Variants in DACH2 observed in about 807,000 individuals in gnomAD.
The protein encoded by DACH2 is dachshund homolog 2.
In DACH2, 17 loss-of-function variants were observed where a neutral mutation model predicts 35.8. The ratio of observed to expected loss-of-function variants is 0.48; its 90% CI spans 0.33 to 0.71. DACH2 has a LOEUF of 0.71. DACH2 is among the 30% of genes least tolerant of loss of function. DACH2 has a pLI of 0.02. For synonymous variants in DACH2, 195 were observed against 177.3 expected (o/e 1.10, Z -0.79); for missense variants, 469 against 472.7 (o/e 0.99, Z 0.07).
chrX:86,793,909 C>A (rs908578071), intron 7 of DACH2, among the ~76,000 whole-genome samples: 1 of 112,150 alleles, frequency 8.9e-6, no homozygotes, highest in Non-Finnish European at 1.9e-5. Flanking sequence ...CATTGTCATA[C>A]TAGCACACAA....
At chrX:86,763,510 G>A (rs972013389) in intron 7 of DACH2, among the ~76,000 whole-genome samples, 4 of 112,110 alleles carry the variant, frequency 3.6e-5, no homozygotes, top group African/African-American at 1.3e-4. Flanking sequence ...CTGGAGTGCA[G>A]TGGTGCGATC....
intron 3 of DACH2, among the ~76,000 whole-genome samples, chrX:86,635,905 C>T (rs750180725): frequency 1.5e-4 from 17 of 111,438 alleles, no homozygotes; most frequent in Non-Finnish European, 3.2e-4. Context: ...GGAAAAACAT[C>T]CCATACTCAT....
chrX:86,270,132 GAT>G (rs1309688906), intron 1 of DACH2, among the ~76,000 whole-genome samples: 1 of 105,953 alleles, frequency 9.4e-6, no homozygotes, highest in Non-Finnish European at 1.9e-5. Context: ...TGGGGGTGGG[GAT>G]ACATGCAGAT....
intron 6 of DACH2, among the ~76,000 whole-genome samples, chrX:86,738,154 A>G (rs1334538939): frequency 9.0e-6 from 1 of 111,627 alleles, no homozygotes; most frequent in African/African-American, 3.3e-5. Flanking sequence ...ATGATTCTCA[A>G]TTGCATCTGC....
intron 1 of DACH2, among the ~76,000 whole-genome samples, chrX:86,287,151 T>C (rs1370498932): frequency 1.1e-5 from 1 of 94,548 alleles, no homozygotes; most frequent in Non-Finnish European, 2.1e-5. Context: ...TTTTGCCAGA[T>C]ATGCTATTCT....
chrX:86,469,042 C>T (rs2037721531), intron 2 of DACH2, among the ~76,000 whole-genome samples: 1 of 111,301 alleles, frequency 9.0e-6, no homozygotes. Context: ...GAAATCTTGT[C>T]ATTTTTAGTA....
chrX:86,414,739 C>T lies in DACH2; in HGVS notation c.527+37877C>T, dbSNP rs916050590. Among the ~76,000 whole-genome samples, 11 of 111,610 alleles carry T rather than the reference C, an allele frequency of 9.9e-5. No homozygotes were observed. In the Admixed American group the frequency reaches 1.1e-3, roughly 11 times the overall value. On this transcript the variant is annotated intron_variant, in intron 2 of 11. Coordinates refer to ENST00000373125, the MANE Select transcript of DACH2 (RefSeq NM_053281.3). ...CATTTCCAGCTCACTCACAGTGGGA[C>T]ATCTTTTAATCCATATTTCAGCTAA...
chrX:86,717,723 G>A (rs181965667), intron 6 of DACH2, among the ~76,000 whole-genome samples: 3,608 of 96,718 alleles, frequency 0.037, 78 homozygotes, highest in Non-Finnish European at 0.054. Flanking sequence ...GAGCAGTGGC[G>A]GTGACATGTG....
intron 1 of DACH2, among the ~76,000 whole-genome samples, chrX:86,231,062 G>A (rs1056300834): frequency 7.2e-5 from 8 of 111,823 alleles, no homozygotes; most frequent in African/African-American, 2.6e-4. Context: ...CCAGTTCTTT[G>A]AGGCATGACC....
At chrX:86,797,308 GTATA>G (rs1050671426) in intron 7 of DACH2, among the ~76,000 whole-genome samples, 1 of 109,945 alleles carries the variant, frequency 9.1e-6, no homozygotes, top group Non-Finnish European at 1.9e-5. Flanking sequence ...ACATACATAA[GTATA>G]TATATAATAT....
intron 1 of DACH2, among the ~76,000 whole-genome samples, chrX:86,228,464 G>A (rs12850799): frequency 0.025 from 2,408 of 94,652 alleles, 85 homozygotes; most frequent in African/African-American, 0.13. Flanking sequence ...AAAAAAAAAA[G>A]AAAAAAGAAA....
At chrX:86,567,408 G>T (rs138130410) in intron 3 of DACH2, among the ~76,000 whole-genome samples, 2 of 110,949 alleles carry the variant, frequency 1.8e-5, no homozygotes, top group African/African-American at 6.5e-5. Context: ...CAGAGTGGTA[G>T]GTATGAAGAG....
In DACH2 at chrX:86,679,789, G is replaced by A. The variant is rs567546559; in HGVS notation, c.773-15232G>A. Among the ~76,000 whole-genome samples the A allele has an allele frequency of 5.4e-5, 6 of 110,621 alleles. No individual in the cohort carries two copies. In the South Asian group the frequency reaches 1.2e-3, roughly 21 times the overall value. Reference sequence around the variant, plus strand: ...GCTGCATTGCCAACCCTAATAAGCCGAGCCTGTGTGGTGTGCTGGTGCATA... The same window carrying A: ...GCTGCATTGCCAACCCTAATAAGCCAAGCCTGTGTGGTGTGCTGGTGCATA... On this transcript the variant is annotated intron_variant, in intron 4 of 11. Coordinates refer to ENST00000373125, the MANE Select transcript of DACH2 (RefSeq NM_053281.3).
rs749777349 is a variant in DACH2, at chrX:86,360,204, T to C, written c.489-16620T>C. The stretch of plus-strand genomic sequence containing the variant: ...ACAGTGTGTTATACATCTATATGTT[T>C]TTTTCTTTTAAGCACTATAATCCTT... On this transcript the variant is annotated intron_variant, in intron 1 of 11. Coordinates refer to ENST00000373125, the MANE Select transcript of DACH2 (RefSeq NM_053281.3). Among the ~76,000 whole-genome samples the C allele has an allele frequency of 5.4e-5, 6 of 111,517 alleles. No homozygotes were observed. The South Asian group carries it at 2.3e-3, about 42-fold the overall frequency.
intron 1 of DACH2, among the ~76,000 whole-genome samples, chrX:86,192,642 G>A (rs936804263): frequency 5.4e-5 from 6 of 111,973 alleles, no homozygotes; most frequent in East Asian, 5.6e-4. Context: ...CTATGTAACC[G>A]TCTAAAATAA....
intron 2 of DACH2, among the ~76,000 whole-genome samples, chrX:86,468,742 C>A (rs2037713952): frequency 9.0e-6 from 1 of 111,636 alleles, no homozygotes; most frequent in South Asian, 3.7e-4. Context: ...CAAAGTTCAA[C>A]AAAGCCTATT....
At chrX:86,608,691 T>C (rs1185616006) in intron 3 of DACH2, among the ~76,000 whole-genome samples, 1 of 111,935 alleles carries the variant, frequency 8.9e-6, no homozygotes, top group African/African-American at 3.2e-5. Flanking sequence ...CTCCTTCATG[T>C]TTAAAGAATA....
chrX:86,468,399 C>T (rs2037708186), intron 2 of DACH2, among the ~76,000 whole-genome samples: 1 of 110,942 alleles, frequency 9.0e-6, no homozygotes, highest in African/African-American at 3.3e-5. Flanking sequence ...CCATTTTACT[C>T]ATCTTATTTA....
chrX:86,533,929 C>T (rs1031120676), intron 3 of DACH2, among the ~76,000 whole-genome samples: 1 of 111,670 alleles, frequency 9.0e-6, no homozygotes, highest in Non-Finnish European at 1.9e-5. Context: ...TCTATGAAGA[C>T]ATCTCCTTTA....
Sources: allele counts gnomAD v4.1 joint callset (sites outside exome capture counted in the v4.1 genomes callset), GRCh38; gene constraint gnomAD v4.1.1; transcripts MANE v1.5; gene names NCBI Gene and HGNC (gene_info 2026-07-23, HGNC 2026-07-21).